ANKS1B: variants seen among roughly 807,000 people sequenced by gnomAD.
ANKS1B encodes ankyrin repeat and sterile alpha motif domain-containing protein 1B.
In ANKS1B, 36 loss-of-function variants were observed where a neutral mutation model predicts 148.3. The observed-to-expected ratio is 0.24, with a 90% CI of 0.19 to 0.32. The LOEUF (loss-of-function observed/expected upper bound fraction) is 0.32, where lower values mean the gene tolerates loss of function less well. ANKS1B is among the 10% of genes least tolerant of loss of function. The pLI is 1.00. For missense variants in ANKS1B, 1,157 were observed against 1,542.6 expected (o/e 0.75, Z 4.19); for synonymous variants, 542 against 560.8 (o/e 0.97, Z 0.47).
rs141666168 is a variant in ANKS1B at position 99,641,576 on chromosome 12, G to A, written c.1272+13491C>T. 6.3e-3 allele frequency among the ~76,000 whole-genome samples: 961 copies of A among 152,158 alleles called. 13 individuals carry two copies. The highest frequency in any genetic ancestry group is 0.022 in the African/African-American group (917 of 41,526). On this transcript the variant is annotated intron_variant, in intron 9 of 26. Transcript: ENST00000683438. Reference sequence around the variant, plus strand: ...AAAGATGTATAAAAGAAGAGGAAATGGGAAGAGATTCTAAATGAACTAAGA... The same window carrying A: ...AAAGATGTATAAAAGAAGAGGAAATAGGAAGAGATTCTAAATGAACTAAGA...
chr12:99,942,495 G>C (rs2094944239), intron 1 of ANKS1B, among the ~76,000 whole-genome samples: 1 of 151,944 alleles, frequency 6.6e-6, no homozygotes, highest in African/African-American at 2.4e-5. Flanking sequence ...GAAAATGATG[G>C]AACAATAGCT....
intron 17 of ANKS1B, among the ~76,000 whole-genome samples, chr12:99,023,127 T>C (rs1434484439): frequency 6.6e-6 from 1 of 152,192 alleles, no homozygotes; most frequent in African/African-American, 2.4e-5. Context: ...AGTTGGCCAA[T>C]ATACCAATGT....
chr12:99,185,765 C>G (rs1170067268), intron 14 of ANKS1B, among the ~76,000 whole-genome samples: 1 of 152,234 alleles, frequency 6.6e-6, no homozygotes, highest in Non-Finnish European at 1.5e-5. Context: ...GGAGATTCCT[C>G]CAGTGCCTAT....
intron 17 of ANKS1B, among the ~76,000 whole-genome samples, chr12:99,002,491 T>C (rs2099933627): frequency 6.9e-6 from 1 of 145,398 alleles, no homozygotes; most frequent in Non-Finnish European, 1.5e-5. Flanking sequence ...CTTATCTCTC[T>C]TTTTTTTTTT....
At chr12:99,099,560 G>T (rs1309029602) in intron 15 of ANKS1B, among the ~76,000 whole-genome samples, 3 of 152,190 alleles carry the variant, frequency 2.0e-5, no homozygotes, top group Admixed American at 6.5e-5. Flanking sequence ...CTAGCTCCAT[G>T]CCTGGAGCAT....
chr12:99,575,492 A>C (rs2153224703), intron 9 of ANKS1B, among the ~76,000 whole-genome samples: 1 of 152,230 alleles, frequency 6.6e-6, no homozygotes, highest in East Asian at 1.9e-4. Flanking sequence ...AAAGAGGTTT[A>C]ATTGACTCAT....
chr12:99,130,163 C>T (rs1047595727), intron 15 of ANKS1B, among the ~76,000 whole-genome samples: 8 of 152,168 alleles, frequency 5.3e-5, no homozygotes, highest in Non-Finnish European at 1.2e-4. Flanking sequence ...TCAAGGTATA[C>T]TGATGGTTGC....
At chr12:99,507,100 T>G (rs540386194) in intron 9 of ANKS1B, among the ~76,000 whole-genome samples, 3 of 152,132 alleles carry the variant, frequency 2.0e-5, no homozygotes, top group African/African-American at 7.2e-5. Flanking sequence ...GAAATGATTT[T>G]TTTTCAAATG....
At chr12:99,326,088 A>C (rs1044680377) in intron 12 of ANKS1B, among the ~76,000 whole-genome samples, 3 of 152,046 alleles carry the variant, frequency 2.0e-5, no homozygotes. Context: ...TATCACGAGA[A>C]CAGCATGAGG....
intron 14 of ANKS1B, among the ~76,000 whole-genome samples, chr12:99,220,501 G>C (rs1329212931): frequency 6.9e-6 from 1 of 144,398 alleles, no homozygotes; most frequent in Admixed American, 7.0e-5. Flanking sequence ...GCCCAGGCTG[G>C]AGTCCAGTGG....
chr12:99,741,206 A>AACACACACACACACACAC lies in ANKS1B; in HGVS notation c.1128+31698_1128+31715dup, dbSNP rs774613671. Among the ~76,000 whole-genome samples the AACACACACACACACACAC allele has an allele frequency of 8.6e-4, 117 of 135,402 alleles. 3 individuals carry two copies. Among genetic ancestry groups the AACACACACACACACACAC allele is most frequent in the African/African-American group, 1.1e-3 (39 of 35,270 alleles). The allele number at this position is 135,402 out of a possible 152,430, so 88.8% of individuals were successfully genotyped here. A position where few individuals can be genotyped will look rare whatever the true frequency, so the allele number is the denominator to read the frequency against. On this transcript the variant is annotated intron_variant, in intron 8 of 26. Transcript: ENST00000683438. ...CTGGCAACAGAGCTAGGCTCCGTCA[A>AACACACACACACACACAC]ACACACACACACACACACACACACA...
At chr12:98,897,378 G>GA (rs372010438) in intron 17 of ANKS1B, among the ~76,000 whole-genome samples, 26 of 145,450 alleles carry the variant, frequency 1.8e-4, no homozygotes, top group Admixed American at 4.8e-4. Context: ...CAATCAACAA[G>GA]AAAAAAAAAA....
intron 1 of ANKS1B, among the ~76,000 whole-genome samples, chr12:99,900,268 G>C (rs2093548549): frequency 6.6e-6 from 1 of 151,416 alleles, no homozygotes; most frequent in Non-Finnish European, 1.5e-5. Context: ...AGCACTTTGG[G>C]AGGCCGAGGC....
chr12:99,772,385 T>C (rs1383794375), intron 8 of ANKS1B, among the ~76,000 whole-genome samples: 1 of 152,136 alleles, frequency 6.6e-6, no homozygotes, highest in Non-Finnish European at 1.5e-5. Flanking sequence ...CATAAAGGCG[T>C]TGTCACAGGA....
chr12:99,797,251 C>G (rs1370549424), intron 4 of ANKS1B, among the ~76,000 whole-genome samples: 1 of 151,854 alleles, frequency 6.6e-6, no homozygotes, highest in Non-Finnish European at 1.5e-5. Context: ...AAATCAAGTG[C>G]CTTGTGGCTT....
At chr12:99,648,159 T>C in intron 9 of ANKS1B, 1 of 1,589,932 alleles carries the variant, frequency 6.3e-7, no homozygotes, top group Non-Finnish European at 8.6e-7. Flanking sequence ...GGAACTGTCT[T>C]GATTTAAAGG....
At chr12:99,194,133 T>TA (rs2081105109) in intron 14 of ANKS1B, among the ~76,000 whole-genome samples, 1 of 152,150 alleles carries the variant, frequency 6.6e-6, no homozygotes, top group East Asian at 1.9e-4. Context: ...GGAATATATA[T>TA]TTTTTAAAGG....
At chr12:99,241,439 A>G (rs932506505) in intron 14 of ANKS1B, among the ~76,000 whole-genome samples, 1 of 152,220 alleles carries the variant, frequency 6.6e-6, no homozygotes, top group Non-Finnish European at 1.5e-5. Flanking sequence ...CCAGGACAAG[A>G]CAAATTCACA....
At chr12:99,683,798 C>G (rs150667302) in intron 8 of ANKS1B, among the ~76,000 whole-genome samples, 4 of 150,466 alleles carry the variant, frequency 2.7e-5, no homozygotes, top group African/African-American at 9.7e-5. Context: ...GGTTTCATAC[C>G]AGGGATGCAG....
Sources: gnomAD v4.1 joint callset for allele counts (sites outside exome capture counted in the v4.1 genomes callset) on GRCh38, gnomAD v4.1.1 for gene constraint, MANE v1.5 for transcripts, NCBI Gene and HGNC (gene_info 2026-07-23, HGNC 2026-07-21) for gene names.